The following CEMIP2 variants were observed in gnomAD, a reference collection of about 807,000 sequenced individuals.
CEMIP2 encodes cell surface hyaluronidase CEMIP2.
A neutral mutation model predicts 146.9 loss-of-function variants in CEMIP2; 79 were observed. The observed-to-expected ratio is 0.54, with a 90% CI of 0.45 to 0.65. CEMIP2 has a LOEUF of 0.65. Ranked by LOEUF, CEMIP2 falls within the 30% of genes least tolerant of loss-of-function variation. The pLI is 0.00. For missense variants in CEMIP2, 1,596 were observed against 1,696.2 expected (o/e 0.94, Z 1.04); for synonymous variants, 601 against 606.3 (o/e 0.99, Z 0.13).
chr9:71,695,940 A>AC (rs1822388063), intron 20 of CEMIP2, among the ~76,000 whole-genome samples: 2 of 151,732 alleles, frequency 1.3e-5, no homozygotes, highest in South Asian at 4.2e-4. Context: ...ACATAGTGAG[A>AC]CCCCGCCTCT....
At chr9:71,750,471 C>T in intron 1 of CEMIP2, 86 bp from the exon 2 acceptor site, 2 of 1,046,120 alleles carry the variant, frequency 1.9e-6, no homozygotes, top group Non-Finnish European at 2.7e-6. Flanking sequence ...GATGGAGTTT[C>T]ACTCTTGTTG....
At chr9:71,713,048 G>A (rs765136993) in intron 15 of CEMIP2, among the ~76,000 whole-genome samples, 22 of 152,206 alleles carry the variant, frequency 1.4e-4, no homozygotes, top group Admixed American at 8.5e-4. Context: ...GAAAACCTTC[G>A]CATCATGATG....
intron 6 of CEMIP2, among the ~76,000 whole-genome samples, chr9:71,733,773 G>C (rs1252191568): frequency 6.6e-6 from 1 of 152,050 alleles, no homozygotes; most frequent in Non-Finnish European, 1.5e-5. Flanking sequence ...CTAGTACCAG[G>C]CTCAAAATGA....
At chr9:71,765,766 T>C (rs1388237448) in intron 1 of CEMIP2, among the ~76,000 whole-genome samples, 3 of 152,178 alleles carry the variant, frequency 2.0e-5, no homozygotes, top group Admixed American at 6.5e-5. Flanking sequence ...GCAGAGATTG[T>C]CATCTCTCTA....
chr9:71,697,779 T>C, intron 20 of CEMIP2: 1 of 546,662 alleles, frequency 1.8e-6, no homozygotes, highest in South Asian at 2.5e-5. Flanking sequence ...TAAACTGACG[T>C]ATCACAGGGG....
intron 22 of CEMIP2, among the ~76,000 whole-genome samples, chr9:71,689,258 C>T (rs1044476879): frequency 3.3e-5 from 5 of 152,132 alleles, no homozygotes; most frequent in African/African-American, 4.8e-5. Flanking sequence ...TATTGGCATC[C>T]GGTTCTATAA....
At chr9:71,725,142 CA>C (rs1823347017) in intron 11 of CEMIP2, among the ~76,000 whole-genome samples, 1 of 152,140 alleles carries the variant, frequency 6.6e-6, no homozygotes, top group Non-Finnish European at 1.5e-5. Flanking sequence ...CAAGTTCTAC[CA>C]AAAATTGACA....
At position 71,709,392 on chromosome 9, in the gene CEMIP2, T is replaced by C; in HGVS notation, c.2852A>G (p.His951Arg). ...TCCTGTCACAGAGCCATCAATGTCA[T>C]GGAATATGGAGTTCTTATCACCATC... ...EMDGDKNSIF[H>R]DIDGSVTGYK... Residue 951 changes from histidine (H) to arginine (R), a missense_variant, in exon 17 of 24, where the codon CAT becomes CGT. Physicochemically the swap from His to Arg is conservative, Grantham distance 29 (BLOSUM62 0). Transcript: ENST00000377044. The C allele has an allele frequency of 1.9e-6, 3 of 1,614,188 alleles. No individual in the cohort carries two copies. The highest frequency in any genetic ancestry group is 1.6e-4 in the Middle Eastern group (1 of 6,062).
At chr9:71,727,926 T>G (rs572314822) in intron 10 of CEMIP2, among the ~76,000 whole-genome samples, 9 of 152,194 alleles carry the variant, frequency 5.9e-5, no homozygotes, top group African/African-American at 2.2e-4. Context: ...CCAGCCGTGG[T>G]GGCAGGGGCC....
At chr9:71,729,435 AG>A (rs1187911948) in intron 10 of CEMIP2, among the ~76,000 whole-genome samples, 1 of 151,816 alleles carries the variant, frequency 6.6e-6, no homozygotes, top group Non-Finnish European at 1.5e-5. Context: ...CTAGCTAAAA[AG>A]GTGAAACCCC....
At chr9:71,687,708 C>CA (rs1822108847) in intron 22 of CEMIP2, among the ~76,000 whole-genome samples, 1 of 151,958 alleles carries the variant, frequency 6.6e-6, no homozygotes, top group African/African-American at 2.4e-5. Context: ...AAAACAAAAA[C>CA]AAAAAATAAC....
intron 18 of CEMIP2, among the ~76,000 whole-genome samples, chr9:71,702,403 G>T (rs910102679): frequency 1.3e-5 from 2 of 150,200 alleles, no homozygotes; most frequent in Admixed American, 6.6e-5. Context: ...ATGCGGGGGG[G>T]CGGGCAGGAG....
chr9:71,764,290 A>G (rs540178394), intron 1 of CEMIP2, among the ~76,000 whole-genome samples: 1 of 152,330 alleles, frequency 6.6e-6, no homozygotes, highest in South Asian at 2.1e-4. Context: ...CAATGAAAAA[A>G]TATACATAGT....
chr9:71,762,301 G>T (rs1168326857), intron 1 of CEMIP2, among the ~76,000 whole-genome samples: 1 of 152,036 alleles, frequency 6.6e-6, no homozygotes, highest in Non-Finnish European at 1.5e-5. Flanking sequence ...GTGGCAGCTG[G>T]ACTTCACTTA....
At chr9:71,691,504 T>C (rs1822228100) in intron 21 of CEMIP2, among the ~76,000 whole-genome samples, 1 of 151,728 alleles carries the variant, frequency 6.6e-6, no homozygotes, top group African/African-American at 2.4e-5. Flanking sequence ...TTGAAGTAAA[T>C]TTTATATGTG....
At chr9:71,695,257 C>A (rs1053463926) in intron 20 of CEMIP2, among the ~76,000 whole-genome samples, 9 of 152,184 alleles carry the variant, frequency 5.9e-5, no homozygotes, top group Admixed American at 2.6e-4. Context: ...AAATTACTCC[C>A]AGTCTCCAAA....
intron 5 of CEMIP2, among the ~76,000 whole-genome samples, chr9:71,735,526 C>T (rs1449279824): frequency 6.6e-6 from 1 of 152,146 alleles, no homozygotes; most frequent in African/African-American, 2.4e-5. Context: ...GTGGTTCACA[C>T]CTGTAATCCC....
chr9:71,751,430 C>A (rs377402368), intron 1 of CEMIP2, among the ~76,000 whole-genome samples: 1 of 152,204 alleles, frequency 6.6e-6, no homozygotes, highest in Non-Finnish European at 1.5e-5. Context: ...CAGGGCACCA[C>A]GGCTAAACAA....
At chr9:71,760,018 T>TAAAA (rs34841456) in intron 1 of CEMIP2, among the ~76,000 whole-genome samples, 4,803 of 143,824 alleles carry the variant, frequency 0.033, 120 homozygotes, top group Admixed American at 0.067. Flanking sequence ...TAAATTTACT[T>TAAAA]AAAAAAAAAA....
Sources: gnomAD v4.1 joint callset for allele counts (sites outside exome capture counted in the v4.1 genomes callset) on GRCh38, gnomAD v4.1.1 for gene constraint, MANE v1.5 for transcripts, NCBI Gene and HGNC (gene_info 2026-07-23, HGNC 2026-07-21) for gene names.